Variants in GABRG1 observed in about 807,000 individuals in gnomAD.
GABRG1 encodes gamma-aminobutyric acid type A receptor subunit gamma1.
GABRG1 carries 49 observed loss-of-function variants against 49.8 expected under a neutral mutation model. The observed-to-expected ratio is 0.98, with a 90% CI of 0.78 to 1.25. GABRG1 has a LOEUF of 1.25. Among genes scored for constraint, GABRG1 ranks in the 50% most tolerant of loss-of-function variants. The pLI is 0.00. For synonymous variants in GABRG1, 232 were observed against 185.1 expected (o/e 1.25, Z -2.06); for missense variants, 552 against 552.3 (o/e 1.00, Z 0.01).
chr4:46,121,322 T>C (rs28641517), intron 1 of GABRG1, among the ~76,000 whole-genome samples: 14,612 of 151,896 alleles, frequency 0.096, 1,761 homozygotes, highest in African/African-American at 0.29. Flanking sequence ...GAGAGAAATA[T>C]GATCGTACAT....
chr4:46,073,085 C>T (rs893523244), intron 3 of GABRG1, among the ~76,000 whole-genome samples: 1 of 151,862 alleles, frequency 6.6e-6, no homozygotes, highest in African/African-American at 2.4e-5. Context: ...AAAAACATGC[C>T]TACTATTTTT....
At position 46,035,862 on chromosome 4, in the gene GABRG1, A is replaced by T. The variant is rs1717498621; in HGVS notation, c.*5126T>A. 1 of 151,994 alleles carries T rather than the reference A, an allele frequency of 6.6e-6. No homozygotes were observed. The highest frequency in any genetic ancestry group is 1.5e-5 in the Non-Finnish European group (1 of 67,904). The allele number at this position is 151,994 out of a possible 1,614,324, so 9.4% of individuals were successfully genotyped here. On this transcript the variant is annotated 3_prime_UTR_variant, in exon 9 of 9. Transcript: ENST00000295452. ...GTAAAGAACACTGAAAAATTGAGACACCTTTGCCACAAAATTACAAATGTT... is the reference window on the plus strand; with the variant it reads ...GTAAAGAACACTGAAAAATTGAGACTCCTTTGCCACAAAATTACAAATGTT...
intron 3 of GABRG1, among the ~76,000 whole-genome samples, chr4:46,073,015 GAA>G (rs1281842657): frequency 2.6e-5 from 4 of 151,794 alleles, no homozygotes; most frequent in African/African-American, 4.8e-5. Flanking sequence ...AGAATTTCAT[GAA>G]GTTAGTTTAT....
chr4:46,118,696 C>T (rs1336185446), intron 1 of GABRG1, among the ~76,000 whole-genome samples: 1 of 151,096 alleles, frequency 6.6e-6, no homozygotes, highest in East Asian at 1.9e-4. Flanking sequence ...AACGGTAGTG[C>T]TCAGTGAGTA....
At chr4:46,103,000 G>A (rs1720430403) in intron 1 of GABRG1, among the ~76,000 whole-genome samples, 1 of 149,534 alleles carries the variant, frequency 6.7e-6, no homozygotes, top group Non-Finnish European at 1.5e-5. Flanking sequence ...GTTTACACCT[G>A]TTGCCCCAAA....
chr4:46,099,650 G>C (rs1480697174), intron 1 of GABRG1, among the ~76,000 whole-genome samples: 7 of 151,592 alleles, frequency 4.6e-5, no homozygotes, highest in Non-Finnish European at 1.0e-4. Flanking sequence ...CAACACCTTA[G>C]TTAAACAATC....
At chr4:46,080,479 T>C (rs1463063064) in intron 3 of GABRG1, among the ~76,000 whole-genome samples, 1 of 151,932 alleles carries the variant, frequency 6.6e-6, no homozygotes, top group Admixed American at 6.6e-5. Context: ...TTTATTTGTT[T>C]ATTTTCACCT....
At chr4:46,122,799 A>G (rs775516300) in intron 1 of GABRG1, among the ~76,000 whole-genome samples, 6 of 152,088 alleles carry the variant, frequency 3.9e-5, no homozygotes, top group Non-Finnish European at 7.4e-5. Context: ...TGAATTCTAT[A>G]CAGAGTTACT....
chr4:46,077,603 G>A (rs1462207188), intron 3 of GABRG1, among the ~76,000 whole-genome samples: 1 of 151,782 alleles, frequency 6.6e-6, no homozygotes, highest in Non-Finnish European at 1.5e-5. Flanking sequence ...TTTAAAATAG[G>A]TATAACTTCA....
At chr4:46,085,510 G>A (rs894167077) in intron 2 of GABRG1, among the ~76,000 whole-genome samples, 7 of 151,470 alleles carry the variant, frequency 4.6e-5, no homozygotes, top group East Asian at 3.9e-4. Context: ...AAGCTATGAC[G>A]AATCTTTTTG....
At chr4:46,041,891 G>A (rs938752647) in intron 8 of GABRG1, among the ~76,000 whole-genome samples, 2 of 151,950 alleles carry the variant, frequency 1.3e-5, no homozygotes, top group Non-Finnish European at 2.9e-5. Flanking sequence ...GCTATGATAA[G>A]TAAATTTCAA....
intron 2 of GABRG1, among the ~76,000 whole-genome samples, chr4:46,087,960 A>C (rs1719842765): frequency 6.6e-6 from 1 of 152,060 alleles, no homozygotes; most frequent in Non-Finnish European, 1.5e-5. Flanking sequence ...GTTTAAATTT[A>C]AATAGAAATT....
chr4:46,075,569 G>GT (rs895528416), intron 3 of GABRG1, among the ~76,000 whole-genome samples: 3 of 151,864 alleles, frequency 2.0e-5, no homozygotes, highest in Non-Finnish European at 4.4e-5. Context: ...TGAGAACTTG[G>GT]TTTTTTCTTT....
At chr4:46,123,219 C>T (rs942964436) in intron 1 of GABRG1, among the ~76,000 whole-genome samples, 2 of 150,992 alleles carry the variant, frequency 1.3e-5, no homozygotes, top group East Asian at 1.9e-4. Context: ...ACACTCAAAG[C>T]TGGTTCAAAT....
At chr4:46,115,226 T>A (rs1720847196) in intron 1 of GABRG1, among the ~76,000 whole-genome samples, 1 of 150,824 alleles carries the variant, frequency 6.6e-6, no homozygotes, top group South Asian at 2.1e-4. Context: ...AACCTCATTG[T>A]AGCAATAAAT....
At chr4:46,116,827 T>C (rs1158563664) in intron 1 of GABRG1, among the ~76,000 whole-genome samples, 1 of 150,866 alleles carries the variant, frequency 6.6e-6, no homozygotes, top group Non-Finnish European at 1.5e-5. Context: ...AATTAGTTTA[T>C]AAAATACAGG....
At chr4:46,079,072 GT>G (rs11354665) in intron 3 of GABRG1, among the ~76,000 whole-genome samples, 76,821 of 144,784 alleles carry the variant, frequency 0.53, 20,008 homozygotes, top group African/African-American at 0.57. Flanking sequence ...AAAAAGTTTT[GT>G]TTTTTTTTTT....
chr4:46,090,152 A>G (rs1441787622), intron 2 of GABRG1, among the ~76,000 whole-genome samples: 2 of 152,050 alleles, frequency 1.3e-5, no homozygotes, highest in Non-Finnish European at 2.9e-5. Flanking sequence ...AGCGATACAT[A>G]CAAAAATTAC....
chr4:46,048,439 A>G (rs1265596873), intron 8 of GABRG1, among the ~76,000 whole-genome samples: 1 of 146,610 alleles, frequency 6.8e-6, no homozygotes, highest in Non-Finnish European at 1.5e-5. Flanking sequence ...CCAAGGTAGA[A>G]AAAAGAGCTG....
Sources: allele counts gnomAD v4.1 joint callset (sites outside exome capture counted in the v4.1 genomes callset), GRCh38; gene constraint gnomAD v4.1.1; transcripts MANE v1.5; gene names NCBI Gene and HGNC (gene_info 2026-07-23, HGNC 2026-07-21).